Variants in GABRP observed in about 807,000 individuals in gnomAD.
GABRP encodes the protein gamma-aminobutyric acid type A receptor subunit pi.
A neutral mutation model predicts 47.8 loss-of-function variants in GABRP; 52 were observed. The observed-to-expected ratio is 1.09, with a 90% CI of 0.87 to 1.37. The LOEUF is 1.37. GABRP is among the 40% of genes most tolerant of loss of function. The pLI is 0.00. For missense variants in GABRP, 525 were observed against 542.8 expected (o/e 0.97, Z 0.33); for synonymous variants, 221 against 205.8 (o/e 1.07, Z -0.63).
At chr5:170,804,970 A>C (rs1765689167) in intron 6 of GABRP, among the ~76,000 whole-genome samples, 1 of 97,468 alleles carries the variant, frequency 1.0e-5, no homozygotes, top group Non-Finnish European at 1.8e-5. Flanking sequence ...ATATACGTTT[A>C]TATATTATAT....
At chr5:170,807,959 A>G (rs1765780614) in intron 7 of GABRP, among the ~76,000 whole-genome samples, 1 of 152,120 alleles carries the variant, frequency 6.6e-6, no homozygotes, top group South Asian at 2.1e-4. Flanking sequence ...CCTCCCCATA[A>G]TAGAAGCACA....
chr5:170,782,735 AC>A, upstream of GABRP: 2 of 152,198 alleles, frequency 1.3e-5, no homozygotes, highest in Non-Finnish European at 2.9e-5. Context: ...CGGCTCCTAG[AC>A]TGGGTCTAGG....
intron 9 of GABRP, among the ~76,000 whole-genome samples, chr5:170,811,205 G>A (rs1190078221): frequency 6.8e-6 from 1 of 147,308 alleles, no homozygotes; most frequent in Non-Finnish European, 1.5e-5. Flanking sequence ...GTAAAATTGG[G>A]ATAATAATGG....
chr5:170,785,158 G>T (rs1194499421), intron 1 of GABRP, among the ~76,000 whole-genome samples: 1 of 152,230 alleles, frequency 6.6e-6, no homozygotes, highest in African/African-American at 2.4e-5. Context: ...AGCTGCACTT[G>T]TCACTTGGGA....
intron 1 of GABRP, among the ~76,000 whole-genome samples, chr5:170,786,287 C>T (rs374840994): frequency 1.6e-4 from 24 of 152,200 alleles, no homozygotes; most frequent in African/African-American, 5.8e-4. Context: ...TGAATATGAT[C>T]GTTGGTAGAT....
At chr5:170,794,366 C>A in intron 4 of GABRP, 68 bp downstream of exon 4, 18 of 651,620 alleles carry the variant, frequency 2.8e-5, no homozygotes, top group Non-Finnish European at 3.4e-5. Flanking sequence ...GATATGCTTT[C>A]TAGCCGCTCA....
chr5:170,782,948 G>A (rs188771464), upstream of GABRP: 361 of 152,498 alleles, frequency 2.4e-3, no homozygotes, highest in Non-Finnish European at 3.9e-3. Flanking sequence ...GCTATGATGA[G>A]GGGATGACCC....
rs1349743404 is a variant in GABRP, at chr5:170,789,224, A to C, written c.149A>C (p.Lys50Thr). Residue 50 changes from lysine (K) to threonine (T), a missense_variant, in exon 3 of 10, where the codon AAA (lysine) becomes ACA (threonine). Lys to Thr is a moderately conservative substitution (Grantham distance 78). Transcript: ENST00000265294. ...GFENLTAGYNKFLRPNFGGEP... is the reference protein window; with the variant it reads ...GFENLTAGYNTFLRPNFGGEP... ...GAGAACCTCACAGCAGGATATAACA[A>C]ATTTCTCAGGCCCAATTTTGGTGGT... 9 of 1,613,640 alleles carry C rather than the reference A, an allele frequency of 5.6e-6. No individual in the cohort carries two copies. Among genetic ancestry groups the C allele is most frequent in the Non-Finnish European group, 6.8e-6 (8 of 1,179,788 alleles).
intron 3 of GABRP, among the ~76,000 whole-genome samples, chr5:170,791,180 G>A (rs559194387): frequency 1.3e-5 from 2 of 152,344 alleles, no homozygotes; most frequent in East Asian, 3.9e-4. Flanking sequence ...AGCTCATTCT[G>A]AGAACAGGGA....
At chr5:170,805,086 G>C (rs1484531001) in intron 6 of GABRP, among the ~76,000 whole-genome samples, 4 of 148,776 alleles carry the variant, frequency 2.7e-5, no homozygotes, top group Non-Finnish European at 5.9e-5. Flanking sequence ...AAAATGTAAA[G>C]AAATGTCCAT....
chr5:170,808,201 T>C (rs1299925568), intron 7 of GABRP, among the ~76,000 whole-genome samples: 1 of 152,202 alleles, frequency 6.6e-6, no homozygotes, highest in Non-Finnish European at 1.5e-5. Context: ...GTCTATTCCA[T>C]AGTATTCCTT....
chr5:170,803,008 G>A (rs116024299), intron 6 of GABRP, among the ~76,000 whole-genome samples: 1,580 of 152,276 alleles, frequency 0.01, 40 homozygotes, highest in African/African-American at 0.031. Flanking sequence ...TAATGATTGT[G>A]AGCATTTACT....
At chr5:170,785,984 T>G (rs185916742) in intron 1 of GABRP, among the ~76,000 whole-genome samples, 120 of 152,312 alleles carry the variant, frequency 7.9e-4, no homozygotes, top group Admixed American at 1.3e-3. Context: ...CTTTTGACAT[T>G]GCCCCATCCT....
chr5:170,807,791 C>T (rs1369766738), intron 7 of GABRP, among the ~76,000 whole-genome samples: 1 of 152,088 alleles, frequency 6.6e-6, no homozygotes, highest in Non-Finnish European at 1.5e-5. Flanking sequence ...GGTATAATTT[C>T]TCATTTCAGG....
At chr5:170,793,131 T>C (rs1185436624) in intron 3 of GABRP, among the ~76,000 whole-genome samples, 2 of 152,198 alleles carry the variant, frequency 1.3e-5, no homozygotes, top group Non-Finnish European at 1.5e-5. Context: ...ACACTCCCCA[T>C]TGCCGCCACT....
At chr5:170,808,205 A>G (rs1765786234) in intron 7 of GABRP, among the ~76,000 whole-genome samples, 1 of 152,190 alleles carries the variant, frequency 6.6e-6, no homozygotes, top group Admixed American at 6.5e-5. Flanking sequence ...ATTCCATAGT[A>G]TTCCTTGAGA....
At chr5:170,794,509 G>T in intron 4 of GABRP, 1 of 378,030 alleles carries the variant, frequency 2.6e-6, no homozygotes, top group Non-Finnish European at 4.7e-6. Flanking sequence ...GACAATGGAA[G>T]ATTCTTGTAG....
At chr5:170,791,302 G>T (rs1247480600) in intron 3 of GABRP, among the ~76,000 whole-genome samples, 5 of 152,216 alleles carry the variant, frequency 3.3e-5, no homozygotes, top group African/African-American at 9.6e-5. Context: ...CCCTTGTTTT[G>T]TGCCTCTTGG....
chr5:170,791,716 C>A (rs1004679653), intron 3 of GABRP, among the ~76,000 whole-genome samples: 4 of 152,192 alleles, frequency 2.6e-5, no homozygotes, highest in Non-Finnish European at 5.9e-5. Context: ...TCAGGGAGGG[C>A]AACTAACACG....
Sources: gnomAD v4.1 joint callset for allele counts (sites outside exome capture counted in the v4.1 genomes callset) on GRCh38, gnomAD v4.1.1 for gene constraint, MANE v1.5 for transcripts, NCBI Gene and HGNC (gene_info 2026-07-23, HGNC 2026-07-21) for gene names.